NPY: variants seen among roughly 807,000 people sequenced by gnomAD.
The protein encoded by NPY is pro-neuropeptide Y.
Under a neutral mutation model 13.2 loss-of-function variants are expected in NPY, and 11 were observed. The observed-to-expected ratio is 0.83, with a 90% CI of 0.52 to 1.38. The LOEUF is 1.38. Ranked by LOEUF, NPY falls within the 40% of genes most tolerant of loss-of-function variation. The probability of loss-of-function intolerance (pLI) is 0.00; values close to 1 mark genes in which losing one functional copy is unlikely to be tolerated. For missense variants in NPY, 109 were observed against 125.1 expected (o/e 0.87, Z 0.61); for synonymous variants, 51 against 55.6 (o/e 0.92, Z 0.37).
intron 3 of NPY, among the ~76,000 whole-genome samples, chr7:24,290,775 A>AATAATAATAATT (rs10701264): frequency 0.026 from 3,419 of 129,588 alleles, 90 homozygotes; most frequent in Non-Finnish European, 0.031. Flanking sequence ...TAATAATAAT[A>AATAATAATAATT]ATTATTATTA....
intron 2 of NPY, among the ~76,000 whole-genome samples, chr7:24,287,281 A>G (rs1053845117): frequency 1.3e-5 from 2 of 152,166 alleles, no homozygotes; most frequent in African/African-American, 2.4e-5. Flanking sequence ...ATCTTTGTAT[A>G]AACTCCTTCT....
Position 24,285,263 on chromosome 7 carries a change from G to A in NPY, c.23G>A (p.Gly8Glu). ...CAGATGCTAGGTAACAAGCGACTGG[G>A]GCTGTCCGGACTGACCCTCGCCCTG... MLGNKRLGLSGLTLALSL... is the reference protein window; with the variant it reads MLGNKRLELSGLTLALSL... The change falls in exon 2 of 4, where the codon GGG becomes GAG. Residue 8 changes from glycine to glutamate, a missense_variant. Transcript: ENST00000242152. This position sits in a 1 kb window ranked among gnomAD's most constrained non-coding sequence, Gnocchi z 4.9. 6.2e-7 allele frequency: 1 copy of A among 1,614,088 alleles called. No homozygotes were observed. The highest frequency in any genetic ancestry group is 8.5e-7 in the Non-Finnish European group (1 of 1,179,976).
intron 2 of NPY, among the ~76,000 whole-genome samples, chr7:24,286,759 A>C (rs1000941389): frequency 6.6e-6 from 1 of 152,230 alleles, no homozygotes; most frequent in African/African-American, 2.4e-5. Context: ...TTTATATTCC[A>C]TACTTCCCAG....
intron 3 of NPY, among the ~76,000 whole-genome samples, chr7:24,290,032 A>G (rs1787542353): frequency 6.6e-6 from 1 of 152,154 alleles, no homozygotes; most frequent in South Asian, 2.1e-4. Context: ...TCCCAGTTTT[A>G]CATGAAGCTG....
At chr7:24,284,897 A>C in intron 1 of NPY, 1 of 386,116 alleles carries the variant, frequency 2.6e-6, no homozygotes, top group Non-Finnish European at 4.8e-6. Context: ...GCAAGAAGGG[A>C]GAAAAGTGAC....
intron 3 of NPY, among the ~76,000 whole-genome samples, chr7:24,290,775 A>ATTATTATTATTATT (rs1554351567): frequency 1.4e-3 from 180 of 129,630 alleles, no homozygotes; most frequent in African/African-American, 4.8e-3. Flanking sequence ...TAATAATAAT[A>ATTATTATTATTATT]ATTATTATTA....
At chr7:24,284,989 G>A (rs16478) in intron 1 of NPY, 150,862 of 568,054 alleles carry the variant, frequency 0.27, 20,753 homozygotes, top group African/African-American at 0.34. Flanking sequence ...GCGCTTCTTG[G>A]TCCCTGAGAC....
At chr7:24,286,922 A>G (rs1470268261) in intron 2 of NPY, among the ~76,000 whole-genome samples, 4 of 152,248 alleles carry the variant, frequency 2.6e-5, no homozygotes, top group Non-Finnish European at 5.9e-5. Context: ...ATTTTTCCGA[A>G]GATGATTGCC....
chr7:24,289,055 T>C (rs2128233318), intron 2 of NPY, among the ~76,000 whole-genome samples: 1 of 152,244 alleles, frequency 6.6e-6, no homozygotes. Flanking sequence ...GTCTTTGAAA[T>C]ATCATCTGGT....
intron 1 of NPY, chr7:24,284,932 G>T (rs1020998203): frequency 4.5e-5 from 21 of 471,614 alleles, no homozygotes; most frequent in African/African-American, 3.9e-4. Flanking sequence ...TTCCAATTCG[G>T]TTTTGAATGC....
At chr7:24,288,260 A>AG in intron 2 of NPY, among the ~76,000 whole-genome samples, 1 of 152,180 alleles carries the variant, frequency 6.6e-6, no homozygotes, top group Non-Finnish European at 1.5e-5. Flanking sequence ...GTATAAGCAG[A>AG]CACCTATAGT....
chr7:24,286,065 A>G (rs1465698099), intron 2 of NPY, among the ~76,000 whole-genome samples: 1 of 152,262 alleles, frequency 6.6e-6, no homozygotes, highest in Non-Finnish European at 1.5e-5. Context: ...TCTAAAATGC[A>G]GAGGTCTCCC....
At chr7:24,290,775 A>AATAATAATAATAATAATAATTATTATT (rs10701264) in intron 3 of NPY, among the ~76,000 whole-genome samples, 1 of 129,638 alleles carries the variant, frequency 7.7e-6, no homozygotes, top group Non-Finnish European at 1.6e-5. Flanking sequence ...TAATAATAAT[A>AATAATAATAATAATAATAATTATTATT]ATTATTATTA....
chr7:24,290,488 C>G (rs899354521), intron 3 of NPY, among the ~76,000 whole-genome samples: 4 of 152,102 alleles, frequency 2.6e-5, no homozygotes, highest in South Asian at 4.1e-4. Flanking sequence ...ACTGACGTGG[C>G]TCTCCATCAA....
chr7:24,285,539 A>G lies in NPY; in HGVS notation c.188+111A>G, dbSNP rs556566936. 1.0e-5 allele frequency: 12 copies of G among 1,151,092 alleles called. No homozygotes were observed. The African/African-American group carries it at 1.8e-4, about 18-fold the overall frequency. The allele number at this position is 1,151,092 out of a possible 1,614,324, so 71.3% of individuals were successfully genotyped here. ...CTTTTCCTTCGCTCTATCCCAGGGC[A>G]GGACAGTATCAGGCACTTAGTCAGC... is the stretch of plus-strand genomic sequence containing the variant. On this transcript the variant is annotated intron_variant, in intron 2 of 3. Coordinates refer to ENST00000242152, the MANE Select transcript of NPY (RefSeq NM_000905.4). This position sits in a 1 kb window ranked among gnomAD's most constrained non-coding sequence, Gnocchi z 4.9.
intron 2 of NPY, among the ~76,000 whole-genome samples, chr7:24,287,007 C>T (rs1342322063): frequency 6.6e-6 from 1 of 152,132 alleles, no homozygotes; most frequent in African/African-American, 2.4e-5. Flanking sequence ...CAGTCGTTAC[C>T]TCAAAGCTTT....
At chr7:24,284,944 A>T in intron 1 of NPY, 1 of 496,628 alleles carries the variant, frequency 2.0e-6, no homozygotes, top group African/African-American at 1.9e-5. Context: ...TTTGAATGCT[A>T]AACTGGCGGG....
chr7:24,288,361 C>G (rs1253451623), intron 2 of NPY, among the ~76,000 whole-genome samples: 7 of 152,082 alleles, frequency 4.6e-5, no homozygotes, highest in Admixed American at 2.0e-4. Context: ...TCCCTTGAGT[C>G]TCAGCAAAAG....
At chr7:24,286,387 A>AT (rs35494761) in intron 2 of NPY, among the ~76,000 whole-genome samples, 17,663 of 152,156 alleles carry the variant, frequency 0.12, 1,092 homozygotes, top group Non-Finnish European at 0.15. Context: ...AGATTAAATG[A>AT]TTTTAGTCAT....
Sources: allele counts gnomAD v4.1 joint callset (sites outside exome capture counted in the v4.1 genomes callset), GRCh38; gene constraint gnomAD v4.1.1; non-coding constraint Gnocchi (gnomAD v3.1); transcripts MANE v1.5; gene names NCBI Gene and HGNC (gene_info 2026-07-23, HGNC 2026-07-21).